Variants in IL1RAPL1 observed in about 807,000 individuals in gnomAD.
IL1RAPL1 encodes the protein interleukin 1 receptor accessory protein like 1, also known as interleukin-1 receptor accessory protein-like 1.
IL1RAPL1 carries 3 observed loss-of-function variants against 48.4 expected under a neutral mutation model. The ratio of observed to expected loss-of-function variants is 0.06; its 90% CI spans 0.03 to 0.16. The LOEUF is 0.16. IL1RAPL1 is among the 10% of genes least tolerant of loss of function. The pLI, the probability that IL1RAPL1 is intolerant of heterozygous loss-of-function variation, is 1.00. For missense variants in IL1RAPL1, 349 were observed against 530.6 expected (o/e 0.66, Z 3.36); for synonymous variants, 185 against 187.7 (o/e 0.99, Z 0.12).
chrX:29,534,554 G>T (rs1054783112), intron 5 of IL1RAPL1, among the ~76,000 whole-genome samples: 2 of 111,735 alleles, frequency 1.8e-5, no homozygotes, highest in Non-Finnish European at 3.8e-5. Flanking sequence ...TATTGCTCCA[G>T]CCAGGTGTGG....
At chrX:29,541,172 T>C (rs1921426254) in intron 5 of IL1RAPL1, among the ~76,000 whole-genome samples, 1 of 111,610 alleles carries the variant, frequency 9.0e-6, no homozygotes, top group Non-Finnish European at 1.9e-5. Flanking sequence ...AATAAACACA[T>C]GAAAAAATGC....
At chrX:28,659,558 A>ACTGG (rs971119217) in intron 1 of IL1RAPL1, 89 of 426,843 alleles carry the variant, frequency 2.1e-4, no homozygotes, top group Non-Finnish European at 7.5e-5. Context: ...CGAGCTAGAG[A>ACTGG]CTGGCTAGCT....
rs534771415 is a variant in IL1RAPL1 at position 28,665,431 on chromosome X, T to A, written c.-25+77384T>A. Among the ~76,000 whole-genome samples, 77 of 112,182 alleles carry A rather than the reference T, an allele frequency of 6.9e-4. No homozygotes were observed. The South Asian group carries it at 0.02, about 29-fold the overall frequency. ...TCCTTATCTGAAATACAAATTACACTGGGTGTCCTGTATTTTTATTTACTA... is the reference window on the plus strand; with the variant it reads ...TCCTTATCTGAAATACAAATTACACAGGGTGTCCTGTATTTTTATTTACTA... On this transcript the variant is annotated intron_variant, in intron 1 of 10. Coordinates refer to ENST00000378993, the MANE Select transcript of IL1RAPL1 (RefSeq NM_014271.4).
chrX:28,771,861 G>T (rs1247824153), intron 1 of IL1RAPL1, among the ~76,000 whole-genome samples: 1 of 105,725 alleles, frequency 9.5e-6, no homozygotes, highest in Non-Finnish European at 1.9e-5. Flanking sequence ...AACCCGGGAA[G>T]CGGAGCTTGC....
intron 1 of IL1RAPL1, among the ~76,000 whole-genome samples, chrX:28,630,931 A>T (rs1399146034): frequency 8.9e-6 from 1 of 112,205 alleles, no homozygotes; most frequent in Non-Finnish European, 1.9e-5. Flanking sequence ...GCTTACATTC[A>T]AATGGGCAAG....
At chrX:28,728,781 A>G (rs1360190353) in intron 1 of IL1RAPL1, among the ~76,000 whole-genome samples, 2 of 111,696 alleles carry the variant, frequency 1.8e-5, no homozygotes, top group African/African-American at 6.5e-5. Flanking sequence ...TAAACTCATT[A>G]TATAGATGAA....
chrX:29,936,210 A>G (rs753190452), intron 8 of IL1RAPL1, among the ~76,000 whole-genome samples: 7 of 110,966 alleles, frequency 6.3e-5, no homozygotes, highest in African/African-American at 2.0e-4. Context: ...CAAATAAGTT[A>G]TACTGCTCCA....
At chrX:29,461,007 C>A (rs951062394) in intron 5 of IL1RAPL1, among the ~76,000 whole-genome samples, 1 of 111,023 alleles carries the variant, frequency 9.0e-6, no homozygotes, top group Non-Finnish European at 1.9e-5. Flanking sequence ...AAGCCACAGA[C>A]TTGGGAAAAG....
chrX:29,678,386 C>T (rs1413674074), intron 6 of IL1RAPL1, among the ~76,000 whole-genome samples: 2 of 75,116 alleles, frequency 2.7e-5, no homozygotes, highest in Admixed American at 4.1e-4. Context: ...GAAGGAGTCT[C>T]GCTGTGTCGC....
intron 5 of IL1RAPL1, among the ~76,000 whole-genome samples, chrX:29,608,650 C>T (rs1417790771): frequency 2.8e-5 from 3 of 105,655 alleles, no homozygotes; most frequent in Non-Finnish European, 3.9e-5. Context: ...CACGGTGAAA[C>T]CCCGTCTCTA....
At chrX:29,634,215 T>C (rs1423337237) in intron 5 of IL1RAPL1, among the ~76,000 whole-genome samples, 1 of 111,649 alleles carries the variant, frequency 9.0e-6, no homozygotes, top group Non-Finnish European at 1.9e-5. Context: ...TACTTCTGGA[T>C]TCAGGGGTAA....
chrX:28,685,503 T>G (rs4893581), intron 1 of IL1RAPL1, among the ~76,000 whole-genome samples: 25,222 of 111,384 alleles, frequency 0.23, 2,231 homozygotes, highest in Admixed American at 0.37. Context: ...CTTGTAAATT[T>G]CCATTGGGTT....
At chrX:29,092,942 A>G (rs1017937043) in intron 2 of IL1RAPL1, among the ~76,000 whole-genome samples, 8 of 112,250 alleles carry the variant, frequency 7.1e-5, no homozygotes. Flanking sequence ...CTTTGTGTCA[A>G]GAGGCCATTT....
chrX:29,213,646 C>T (rs1040298114), intron 2 of IL1RAPL1, among the ~76,000 whole-genome samples: 1 of 112,876 alleles, frequency 8.9e-6, no homozygotes. Context: ...ATGCTTCCCA[C>T]ATACATGTCT....
chrX:29,898,129 AAGTC>A (rs1774963819), intron 6 of IL1RAPL1, among the ~76,000 whole-genome samples: 1 of 112,218 alleles, frequency 8.9e-6, no homozygotes, highest in Non-Finnish European at 1.9e-5. Flanking sequence ...TCAGATGAGA[AAGTC>A]AGGAAGCATA....
At chrX:29,098,082 G>C (rs1928254313) in intron 2 of IL1RAPL1, among the ~76,000 whole-genome samples, 2 of 112,416 alleles carry the variant, frequency 1.8e-5, no homozygotes, top group Non-Finnish European at 3.8e-5. Flanking sequence ...AAGGCGTAAT[G>C]AAATTTCACA....
At chrX:28,969,904 C>CACACATATATATGTTTCTAA (rs1323243493) in intron 2 of IL1RAPL1, among the ~76,000 whole-genome samples, 517 of 42,906 alleles carry the variant, frequency 0.012, 168 homozygotes, top group African/African-American at 0.053. Context: ...TGTTTCTAAA[C>CACACATATATATGTTTCTAA]ACACATATAT....
At chrX:28,714,579 T>C (rs1319554037) in intron 1 of IL1RAPL1, among the ~76,000 whole-genome samples, 1 of 112,215 alleles carries the variant, frequency 8.9e-6, no homozygotes, top group Non-Finnish European at 1.9e-5. Context: ...TGTGAAAGCA[T>C]ACATTTACCT....
At chrX:28,641,546 T>C (rs1335998048) in intron 1 of IL1RAPL1, among the ~76,000 whole-genome samples, 2 of 111,809 alleles carry the variant, frequency 1.8e-5, no homozygotes, top group East Asian at 2.8e-4. Flanking sequence ...TAAGTGTCTT[T>C]ATAGTAGAAT....
Sources: gnomAD v4.1 joint callset for allele counts (sites outside exome capture counted in the v4.1 genomes callset) on GRCh38, gnomAD v4.1.1 for gene constraint, MANE v1.5 for transcripts, NCBI Gene and HGNC (gene_info 2026-07-23, HGNC 2026-07-21) for gene names.